The following LIPC variants were observed in gnomAD, a reference collection of about 807,000 sequenced individuals.
LIPC encodes the protein lipase C, hepatic type, also known as hepatic triacylglycerol lipase.
A neutral mutation model predicts 50.7 loss-of-function variants in LIPC; 44 were observed. The ratio of observed to expected loss-of-function variants is 0.87; its 90% CI spans 0.68 to 1.11. The LOEUF (loss-of-function observed/expected upper bound fraction) is 1.11. LIPC is among the 50% of genes most tolerant of loss of function. LIPC has a pLI of 0.00. For synonymous variants in LIPC, 271 were observed against 256.4 expected (o/e 1.06, Z -0.54); for missense variants, 697 against 648.2 (o/e 1.08, Z -0.82).
At chr15:58,444,862 G>T (rs1353410321) in intron 1 of LIPC, among the ~76,000 whole-genome samples, 2 of 152,240 alleles carry the variant, frequency 1.3e-5, no homozygotes, top group Non-Finnish European at 2.9e-5. Context: ...CGGGTCCTGG[G>T]CTTGGCACTG....
intron 6 of LIPC, among the ~76,000 whole-genome samples, chr15:58,555,669 C>T (rs1893918540): frequency 1.3e-5 from 2 of 152,196 alleles, no homozygotes; most frequent in African/African-American, 4.8e-5. Flanking sequence ...CTGAAGAAAG[C>T]AAGTGGGACT....
At chr15:58,484,699 AG>A in intron 1 of LIPC, among the ~76,000 whole-genome samples, 1 of 73,298 alleles carries the variant, frequency 1.4e-5, no homozygotes, top group Admixed American at 1.7e-4. Flanking sequence ...CTCTGACTCC[AG>A]GGCCCACACT....
At chr15:58,556,576 T>C (rs763994202) in intron 6 of LIPC, among the ~76,000 whole-genome samples, 1 of 152,204 alleles carries the variant, frequency 6.6e-6, no homozygotes, top group Non-Finnish European at 1.5e-5. Context: ...TTCCCCTACT[T>C]CTATGCATTC....
chr15:58,458,772 G>A (rs1894226259), intron 1 of LIPC, among the ~76,000 whole-genome samples: 1 of 152,136 alleles, frequency 6.6e-6, no homozygotes, highest in South Asian at 2.1e-4. Flanking sequence ...ACTAGCTCCT[G>A]TCCCTGCACC....
At chr15:58,520,331 C>A (rs74956161) in intron 1 of LIPC, among the ~76,000 whole-genome samples, 2,043 of 152,198 alleles carry the variant, frequency 0.013, 48 homozygotes, top group African/African-American at 0.046. Context: ...CCTGTAGCAG[C>A]CCCCAAAGTA....
At chr15:58,556,871 A>G (rs1447305053) in intron 6 of LIPC, among the ~76,000 whole-genome samples, 1 of 152,236 alleles carries the variant, frequency 6.6e-6, no homozygotes, top group African/African-American at 2.4e-5. Flanking sequence ...AAGATAAAGT[A>G]GGCATCTTAT....
intron 1 of LIPC, among the ~76,000 whole-genome samples, chr15:58,462,751 C>T (rs766978705): frequency 6.6e-5 from 10 of 152,144 alleles, no homozygotes; most frequent in Non-Finnish European, 1.5e-4. Context: ...TCAGAGGCCA[C>T]TCCAGGCAAT....
At chr15:58,484,854 T>G (rs1891314102) in intron 1 of LIPC, among the ~76,000 whole-genome samples, 1 of 152,176 alleles carries the variant, frequency 6.6e-6, no homozygotes, top group Admixed American at 6.5e-5. Flanking sequence ...AAAATCTGAA[T>G]GATGAACAGG....
chr15:58,516,920 G>T (rs1892504255), intron 1 of LIPC, among the ~76,000 whole-genome samples: 1 of 152,062 alleles, frequency 6.6e-6, no homozygotes, highest in Non-Finnish European at 1.5e-5. Context: ...TTACCTAATT[G>T]GTGCTGGGTA....
intron 1 of LIPC, among the ~76,000 whole-genome samples, chr15:58,470,661 G>A (rs888166716): frequency 6.7e-5 from 10 of 148,666 alleles, no homozygotes; most frequent in Non-Finnish European, 7.4e-5. Context: ...GTTCTGTGGC[G>A]AGATCTCGGC....
chr15:58,474,399 C>A (rs1190971578), intron 1 of LIPC, among the ~76,000 whole-genome samples: 1 of 151,798 alleles, frequency 6.6e-6, no homozygotes. Context: ...CACCTGTGGT[C>A]CCACTTACTT....
chr15:58,475,285 G>A (rs1292407293), intron 1 of LIPC, among the ~76,000 whole-genome samples: 1 of 152,118 alleles, frequency 6.6e-6, no homozygotes, highest in Non-Finnish European at 1.5e-5. Flanking sequence ...CCATAATCCA[G>A]GTGATCCTTC....
chr15:58,568,054 A>G (rs1894447337), intron 8 of LIPC, among the ~76,000 whole-genome samples: 1 of 152,244 alleles, frequency 6.6e-6, no homozygotes, highest in Non-Finnish European at 1.5e-5. Flanking sequence ...TTTTCTACAG[A>G]TATATCTATA....
chr15:58,523,677 G>T (rs1166653256), intron 1 of LIPC, among the ~76,000 whole-genome samples: 1 of 152,080 alleles, frequency 6.6e-6, no homozygotes, highest in Admixed American at 6.5e-5. Context: ...CCAACACTTT[G>T]GGAGCCCGAG....
At chr15:58,485,229 G>T (rs1891330372) in intron 1 of LIPC, among the ~76,000 whole-genome samples, 1 of 152,204 alleles carries the variant, frequency 6.6e-6, no homozygotes, top group Non-Finnish European at 1.5e-5. Flanking sequence ...AGCAAGGAGA[G>T]AGTTGATACT....
chr15:58,433,994 A>C (rs1436266035), intron 1 of LIPC, among the ~76,000 whole-genome samples: 1 of 152,118 alleles, frequency 6.6e-6, no homozygotes, highest in African/African-American at 2.4e-5. Flanking sequence ...CCTTGTCAGG[A>C]AAGTTTCTAC....
At chr15:58,432,417 G>T (rs539631025) in intron 1 of LIPC, 9 of 418,938 alleles carry the variant, frequency 2.1e-5, no homozygotes, top group Admixed American at 1.4e-4. Context: ...AGCGGCAAAT[G>T]ATATGAAAGC....
intron 1 of LIPC, among the ~76,000 whole-genome samples, chr15:58,452,651 A>C (rs1893945904): frequency 6.6e-6 from 1 of 152,112 alleles, no homozygotes; most frequent in Non-Finnish European, 1.5e-5. Context: ...AAGAAGATGG[A>C]ATCTGCAGTG....
chr15:58,535,301 C>T (rs1243980062), intron 1 of LIPC, among the ~76,000 whole-genome samples: 1 of 152,180 alleles, frequency 6.6e-6, no homozygotes, highest in African/African-American at 2.4e-5. Context: ...AGCCAGGGGG[C>T]CTGGGGCATA....
Sources: allele counts gnomAD v4.1 joint callset (sites outside exome capture counted in the v4.1 genomes callset), GRCh38; gene constraint gnomAD v4.1.1; transcripts MANE v1.5; gene names NCBI Gene and HGNC (gene_info 2026-07-23, HGNC 2026-07-21).